The following CARD9 variants were observed in gnomAD, a reference collection of about 807,000 sequenced individuals.
The protein encoded by CARD9 is caspase recruitment domain-containing protein 9.
Under a neutral mutation model 66.0 loss-of-function variants are expected in CARD9, and 53 were observed. The observed-to-expected ratio is 0.80, with a 90% CI of 0.64 to 1.01. CARD9 has a LOEUF of 1.01. CARD9 is among the 50% of genes least tolerant of loss of function. The probability of loss-of-function intolerance (pLI) is 0.00; values close to 1 mark genes in which losing one functional copy is unlikely to be tolerated. For synonymous variants in CARD9, 387 were observed against 313.8 expected (o/e 1.23, Z -2.47); for missense variants, 769 against 743.2 (o/e 1.03, Z -0.40).
At chr9:136,367,920 G>A (rs753725581) in intron 7 of CARD9, 92 bp from the exon 8 acceptor site, 33 of 1,473,760 alleles carry the variant, frequency 2.2e-5, no homozygotes, top group Middle Eastern at 1.8e-4. Context: ...CAGAGGCTCC[G>A]GAGGACGTCA....
Position 136,371,926 on chromosome 9 carries a change from G to A in CARD9, c.153C>T (p.Asp51=). 6.2e-7 allele frequency: 1 copy of A among 1,607,624 alleles called. No homozygotes were observed. Among genetic ancestry groups the A allele is most frequent in the Non-Finnish European group, 8.5e-7 (1 of 1,175,644 alleles). ...NPDDEEQVLS[D]PNLVIRKRKV... ...TCCGTTTGCGGATGACCAGGTTGGGGTCGCTGAGCACCTGCTCCTCATCAT... is the reference window on the plus strand; with the variant it reads ...TCCGTTTGCGGATGACCAGGTTGGGATCGCTGAGCACCTGCTCCTCATCAT... The change falls in exon 2 of 13, where the codon GAC becomes GAT. Residue 51 remains aspartate, a synonymous_variant. Transcript: ENST00000371732.
At chr9:136,367,109 C>A in intron 9 of CARD9, 107 bp downstream of exon 9, 1 of 1,328,206 alleles carries the variant, frequency 7.5e-7, no homozygotes, top group Non-Finnish European at 1.1e-6. Flanking sequence ...GCCCAGCCCA[C>A]CGAGCAGGGC....
In CARD9 at chr9:136,364,330, C is replaced by G; in HGVS notation, c.1583G>C (p.Ser528Thr). Residue 528 changes from serine (S) to threonine (T), a missense_variant, in exon 13 of 13, where the codon AGC becomes ACC. Transcript: ENST00000371732. The part of the protein sequence containing the change: ...GEEDRENTTG[S>T]DNTDTEGS ...GGAGCCCTCAGTGTCGGTGTTGTCG[C>G]TGCCCGTGGTGTTCTCCCGGTCCTC... The G allele has an allele frequency of 6.4e-7, 1 of 1,565,520 alleles. No homozygotes were observed. Among genetic ancestry groups the G allele is most frequent in the Non-Finnish European group, 8.7e-7 (1 of 1,155,964 alleles).
At chr9:136,367,470 C>T in intron 8 of CARD9, 167 bp downstream of exon 8, 4 of 971,170 alleles carry the variant, frequency 4.1e-6, no homozygotes, top group South Asian at 1.6e-5. Context: ...CTGCTGGGAC[C>T]CTGAACTGCT....
chr9:136,365,245 C>T (rs773324160), intron 10 of CARD9, 28 bp from the exon 11 acceptor site: 7 of 1,602,706 alleles, frequency 4.4e-6, no homozygotes, highest in Non-Finnish European at 5.1e-6. Flanking sequence ...GCCTGTGGGA[C>T]CTGCCCATCT....
chr9:136,365,197 T>A lies in CARD9; in HGVS notation c.1378A>T (p.Ser460Cys). The A allele has an allele frequency of 6.2e-7, 1 of 1,604,638 alleles. No homozygotes were observed. The highest frequency in any genetic ancestry group is 8.5e-7 in the Non-Finnish European group (1 of 1,177,806). ...SDKGCLAGGG[S>C]PKQPFAALHQ... Reference sequence around the variant, plus strand: ...AGAGCTGCAAAGGGCTGTTTCGGGCTCCCCCCGCCGGCAAGGCAGCCTGGA... The same window carrying A: ...AGAGCTGCAAAGGGCTGTTTCGGGCACCCCCCGCCGGCAAGGCAGCCTGGA... Residue 460 changes from serine to cysteine, a missense_variant, in exon 11 of 13, where the codon AGC (serine) becomes TGC (cysteine). Transcript: ENST00000371732.
At chr9:136,371,256 G>A (rs1378711268) in intron 3 of CARD9, 68 bp downstream of exon 3, 53 of 1,575,914 alleles carry the variant, frequency 3.4e-5, no homozygotes, top group Non-Finnish European at 4.4e-5. Flanking sequence ...GCCAGGCAGA[G>A]GACCCAACAC....
intron 5 of CARD9, 31 bp from the exon 6 acceptor site, chr9:136,370,468 G>C: frequency 1.2e-6 from 2 of 1,606,490 alleles, no homozygotes; most frequent in Non-Finnish European, 1.7e-6. Context: ...TGGCCTGGCT[G>C]GGAAGGCCCC....
Position 136,369,868 on chromosome 9 carries a change from T to C in CARD9, c.959A>G (p.Glu320Gly), listed in dbSNP as rs1329073688. 6.2e-7 allele frequency: 1 copy of C among 1,612,280 alleles called. No homozygotes were observed. Among genetic ancestry groups the C allele is most frequent in the Non-Finnish European group, 8.5e-7 (1 of 1,180,000 alleles). The change falls in exon 7 of 13, where the codon GAG becomes GGG. Residue 320 changes from glutamate (E) to glycine (G), a missense_variant. Coordinates refer to ENST00000371732, the MANE Select transcript of CARD9 (RefSeq NM_052813.5). ...QGEARRLRCMEEKEMFELQCL... is the reference protein window; with the variant it reads ...QGEARRLRCMGEKEMFELQCL... ...CTGCAGCTCGAACATCTCCTTCTCC[T>C]CCATGCACTGCAGGGGGCGGCAGCT... is the stretch of plus-strand genomic sequence containing the variant.
Position 136,367,688 on chromosome 9 carries a change from T to C in CARD9, c.1218A>G (p.Leu406=). 6.2e-7 allele frequency: 1 copy of C among 1,601,142 alleles called. No homozygotes were observed. Among genetic ancestry groups the C allele is most frequent in the South Asian group, 1.1e-5 (1 of 90,146 alleles). The change falls in exon 8 of 13, where the codon CTA becomes CTG. Residue 406 remains leucine, a synonymous_variant. Coordinates refer to ENST00000371732, the MANE Select transcript of CARD9 (RefSeq NM_052813.5). ...QLQVFQCEAQ[L]LAVEGRLRRQ... is the part of the protein sequence containing the mutation. ...GCCTGAGCCTGCCCTCCACGGCCAG[T>C]AGCTGCGCCTCACACTGGAACACCT... is the stretch of plus-strand genomic sequence containing the variant.
chr9:136,364,233 G>A lies in CARD9; in HGVS notation c.*69C>T, dbSNP rs1038252502. 3.2e-6 allele frequency: 5 copies of A among 1,550,374 alleles called. No homozygotes were observed. The highest frequency in any genetic ancestry group is 2.7e-5 in the African/African-American group (2 of 73,046). ...CTCGGGGAAGTCTGCGCCCCAGGGC[G>A]TCGGCACCCCCGGGTGGCAGGAGGC... On this transcript the variant is annotated 3_prime_UTR_variant, in exon 13 of 13. Transcript: ENST00000371732.
chr9:136,371,523 T>C, intron 2 of CARD9, 62 bp from the exon 3 acceptor site: 5 of 420,214 alleles, frequency 1.2e-5, no homozygotes, highest in South Asian at 2.6e-5. Flanking sequence ...CTGGGGTGGG[T>C]GGGCCTGGGG....
intron 10 of CARD9, chr9:136,365,890 A>G: frequency 6.5e-6 from 1 of 152,806 alleles, no homozygotes; most frequent in Non-Finnish European, 1.5e-5. Flanking sequence ...ACCCAGGGGG[A>G]TGGGGGCAGT....
intron 7 of CARD9, among the ~76,000 whole-genome samples, 182 bp downstream of exon 7, chr9:136,369,568 G>A (rs978313853): frequency 2.6e-5 from 4 of 152,332 alleles, no homozygotes; most frequent in Admixed American, 6.5e-5. Context: ...ACTTTGGGAG[G>A]CTGAGGCCGG....
In CARD9 at chr9:136,365,003, T is replaced by C; in HGVS notation, c.1434+138A>G. On this transcript the variant is annotated intron_variant, in intron 11 of 12. Coordinates refer to ENST00000371732, the MANE Select transcript of CARD9 (RefSeq NM_052813.5). Reference sequence around the variant, plus strand: ...CCCAGACACCGCACCCCGAGCACTGTGGGCAGAGACCTTGTGGTCACTCCT... The same window carrying C: ...CCCAGACACCGCACCCCGAGCACTGCGGGCAGAGACCTTGTGGTCACTCCT... 4 of 777,298 alleles carry C rather than the reference T, an allele frequency of 5.1e-6. No homozygotes were observed. In the South Asian group the frequency reaches 6.7e-5, roughly 13 times the overall value. 48.2% of individuals were successfully genotyped at this position (777,298 alleles called of 1,614,324 possible).
Position 136,370,966 on chromosome 9 carries a change from ACTC to A in CARD9, c.499_501del (p.Glu167del), listed in dbSNP as rs1166334153. The A allele has an allele frequency of 6.2e-7, 1 of 1,610,440 alleles. No individual in the cohort carries two copies. Among genetic ancestry groups the A allele is most frequent in the Non-Finnish European group, 8.5e-7 (1 of 1,179,038 alleles). Reference sequence around the variant, plus strand: ...TTGAGCTCGCGGCTGCCGGCCTCGCACTCCTCCTTGAGCCTCTGCACACGCTCC... The same window carrying A: ...TTGAGCTCGCGGCTGCCGGCCTCGCACTCCTTGAGCCTCTGCACACGCTCC... On this transcript the variant is annotated inframe_deletion, in exon 4 of 13. Transcript: ENST00000371732.
chr9:136,373,243 G>C (rs992895913), intron 1 of CARD9, among the ~76,000 whole-genome samples: 2 of 152,246 alleles, frequency 1.3e-5, no homozygotes, highest in Admixed American at 1.3e-4. Context: ...AGTTTTGACA[G>C]ACAAGGGACT....
chr9:136,366,476 G>T, intron 10 of CARD9: 1 of 454,004 alleles, frequency 2.2e-6, no homozygotes, highest in South Asian at 2.4e-5. Flanking sequence ...GCACCCCGTG[G>T]GGGCTGCCCA....
intron 6 of CARD9, 183 bp from the exon 7 acceptor site, chr9:136,370,058 C>G: frequency 7.1e-7 from 1 of 1,405,734 alleles, no homozygotes; most frequent in Non-Finnish European, 9.5e-7. Flanking sequence ...CAGGGCCCTC[C>G]GGCAGGCCTC....
Sources: gnomAD v4.1 joint callset for allele counts (sites outside exome capture counted in the v4.1 genomes callset) on GRCh38, gnomAD v4.1.1 for gene constraint, MANE v1.5 for transcripts, NCBI Gene and HGNC (gene_info 2026-07-23, HGNC 2026-07-21) for gene names.